CSMD1: variants seen among roughly 807,000 people sequenced by gnomAD.
The protein encoded by CSMD1 is CUB and sushi domain-containing protein 1.
CSMD1 carries 213 observed loss-of-function variants against 417.5 expected under a neutral mutation model. The ratio of observed to expected loss-of-function variants is 0.51; its 90% CI spans 0.46 to 0.57. The LOEUF (loss-of-function observed/expected upper bound fraction) is 0.57. CSMD1 is among the 20% of genes least tolerant of loss of function. The probability of loss-of-function intolerance (pLI) is 0.00; values close to 1 mark genes in which losing one functional copy is unlikely to be tolerated. For synonymous variants in CSMD1, 2,862 were observed against 1,736.8 expected (o/e 1.65, Z -16.11); for missense variants, 6,923 against 4,529.7 (o/e 1.53, Z -15.17).
Position 4,247,690 on chromosome 8 carries a change from G to A in CSMD1, c.415+172263C>T, listed in dbSNP as rs1392950208. 2.0e-5 allele frequency among the ~76,000 whole-genome samples: 3 copies of A among 152,082 alleles called. No homozygotes were observed. The East Asian group carries it at 5.8e-4, about 29-fold the overall frequency. On this transcript the variant is annotated intron_variant, in intron 3 of 69. Coordinates refer to ENST00000635120, the MANE Select transcript of CSMD1 (RefSeq NM_033225.6). ...TTAATTTTGTAATGTATGAGCTTCT[G>A]CATTTTTATTTTGGTACACATACTA...
rs543577746 is a variant in CSMD1 at position 4,326,435 on chromosome 8, C to T, written c.415+93518G>A. Reference sequence around the variant, plus strand: ...GATGGGAAAACCAATTAGGCAGCTACTGAGCAAGAGGTAAAGAATGCATAT... The same window carrying T: ...GATGGGAAAACCAATTAGGCAGCTATTGAGCAAGAGGTAAAGAATGCATAT... On this transcript the variant is annotated intron_variant, in intron 3 of 69. Coordinates refer to ENST00000635120, the MANE Select transcript of CSMD1 (RefSeq NM_033225.6). 3.9e-5 allele frequency among the ~76,000 whole-genome samples: 6 copies of T among 152,112 alleles called. No individual in the cohort carries two copies. In the South Asian group the frequency reaches 6.2e-4, roughly 16 times the overall value.
chr8:3,655,059 A>G (rs1233640333), intron 7 of CSMD1, among the ~76,000 whole-genome samples: 2 of 152,222 alleles, frequency 1.3e-5, no homozygotes, highest in African/African-American at 4.8e-5. Context: ...AGAGGGAAAT[A>G]ATTTAAAGAA....
intron 7 of CSMD1, among the ~76,000 whole-genome samples, chr8:3,688,264 C>G (rs1435428733): frequency 6.6e-6 from 1 of 152,132 alleles, no homozygotes; most frequent in Non-Finnish European, 1.5e-5. Flanking sequence ...CAAATATTGT[C>G]TCTTTTCTTT....
chr8:4,059,822 G>C (rs925690627), intron 3 of CSMD1, among the ~76,000 whole-genome samples: 2 of 150,448 alleles, frequency 1.3e-5, no homozygotes, highest in African/African-American at 4.9e-5. Flanking sequence ...ACCAAAAAGA[G>C]TCCAGGACCA....
chr8:4,217,604 G>A (rs1585041608), intron 3 of CSMD1, among the ~76,000 whole-genome samples: 1 of 151,958 alleles, frequency 6.6e-6, no homozygotes, highest in East Asian at 1.9e-4. Flanking sequence ...TTGGTGAACA[G>A]GCAAGTTATC....
intron 7 of CSMD1, chr8:3,704,717 A>T (rs770036002): frequency 1.3e-5 from 2 of 152,184 alleles, no homozygotes; most frequent in African/African-American, 2.4e-5. Context: ...CTTGGATAAC[A>T]CCTTAGACAA....
intron 7 of CSMD1, among the ~76,000 whole-genome samples, chr8:3,644,965 T>TAAAAAAAAAAAAAAAAA (rs1797501015): frequency 3.5e-5 from 1 of 28,804 alleles, no homozygotes; most frequent in African/African-American, 2.3e-4. Flanking sequence ...AGGCTTTAAA[T>TAAAAAAAAAAAAAAAAA]GAAAAAAAAA....
intron 7 of CSMD1, among the ~76,000 whole-genome samples, chr8:3,698,896 T>C (rs752393862): frequency 1.3e-5 from 2 of 152,228 alleles, no homozygotes; most frequent in African/African-American, 2.4e-5. Context: ...TTGCAATTGA[T>C]TGGATTAGGG....
At chr8:3,681,364 C>G (rs1799652125) in intron 7 of CSMD1, among the ~76,000 whole-genome samples, 1 of 152,070 alleles carries the variant, frequency 6.6e-6, no homozygotes, top group Admixed American at 6.6e-5. Flanking sequence ...AATCAATGTG[C>G]AAAAATCACA....
chr8:3,245,932 A>G (rs1264344957), intron 26 of CSMD1, among the ~76,000 whole-genome samples: 1 of 152,184 alleles, frequency 6.6e-6, no homozygotes, highest in Non-Finnish European at 1.5e-5. Flanking sequence ...AAGCCTATTC[A>G]ACAATAATAG....
At chr8:3,259,786 A>G (rs1219612531) in intron 26 of CSMD1, among the ~76,000 whole-genome samples, 3 of 152,246 alleles carry the variant, frequency 2.0e-5, no homozygotes, top group African/African-American at 7.2e-5. Context: ...TGGAAATCAA[A>G]TCTGGCCCAT....
intron 3 of CSMD1, among the ~76,000 whole-genome samples, chr8:4,409,292 A>G (rs993121146): frequency 2.6e-5 from 4 of 152,120 alleles, no homozygotes; most frequent in Non-Finnish European, 5.9e-5. Flanking sequence ...CTTTGTGTTA[A>G]GTCAATATAT....
At chr8:4,157,581 C>T (rs1249660563) in intron 3 of CSMD1, among the ~76,000 whole-genome samples, 1 of 152,160 alleles carries the variant, frequency 6.6e-6, no homozygotes, top group Non-Finnish European at 1.5e-5. Flanking sequence ...TGCTAAGACC[C>T]TCTGCCGGTC....
In CSMD1 at chr8:4,922,784, G is replaced by A. The variant is rs538008923; in HGVS notation, c.85+71548C>T. 2.0e-5 allele frequency among the ~76,000 whole-genome samples: 3 copies of A among 152,248 alleles called. No individual in the cohort carries two copies. In the South Asian group the frequency reaches 6.2e-4, roughly 32 times the overall value. ...AAGAAGGCTACTGAAGGACACCAAAGTCACCCCAAGAAGTGTTTCCTTCTA... is the reference window on the plus strand; with the variant it reads ...AAGAAGGCTACTGAAGGACACCAAAATCACCCCAAGAAGTGTTTCCTTCTA... On this transcript the variant is annotated intron_variant, in intron 1 of 69. Transcript: ENST00000635120.
rs116696859 is a variant in CSMD1, at chr8:4,508,191, C to T, written c.303-88126G>A. Among the ~76,000 whole-genome samples, 359 of 145,704 alleles carry T rather than the reference C, an allele frequency of 2.5e-3. 1 individual carries two copies. Among genetic ancestry groups the T allele is most frequent in the African/African-American group, 8.4e-3 (335 of 39,724 alleles). On this transcript the variant is annotated intron_variant, in intron 2 of 69. Coordinates refer to ENST00000635120, the MANE Select transcript of CSMD1 (RefSeq NM_033225.6). ...TTTTTTTTCAATTCTGAGGAGGTGT[C>T]ATTTTAAGCATCTCCCTGATACCGC...
intron 3 of CSMD1, among the ~76,000 whole-genome samples, chr8:4,061,458 T>G (rs890427172): frequency 1.3e-5 from 2 of 152,128 alleles, no homozygotes; most frequent in Admixed American, 1.3e-4. Flanking sequence ...TGAAAATGGA[T>G]AAGAAACCAA....
chr8:3,261,848 C>A (rs7821770), intron 26 of CSMD1, among the ~76,000 whole-genome samples: 2 of 151,784 alleles, frequency 1.3e-5, no homozygotes, highest in Non-Finnish European at 2.9e-5. Context: ...ATTACGAAGG[C>A]ATGCGGGCCG....
chr8:4,264,617 G>A (rs563237114), intron 3 of CSMD1, among the ~76,000 whole-genome samples: 20 of 152,200 alleles, frequency 1.3e-4, no homozygotes, highest in African/African-American at 4.6e-4. Context: ...TAGCAGTAAG[G>A]GTTTCTCACC....
Position 2,978,801 on chromosome 8 carries a change from C to G in CSMD1, c.8378-1G>C. The G allele has an allele frequency of 6.3e-7, 1 of 1,595,014 alleles. No homozygotes were observed. The highest frequency in any genetic ancestry group is 8.5e-7 in the Non-Finnish European group (1 of 1,171,540). On this transcript the variant is annotated splice_acceptor_variant, in intron 54 of 69. Coordinates refer to ENST00000635120, the MANE Select transcript of CSMD1 (RefSeq NM_033225.6). LOFTEE classifies it high-confidence loss of function. ...AAGCCTGGATCAGAACAGTTCACCACTAGAAAATAAAACATTTCACACACC... is the reference window on the plus strand; with the variant it reads ...AAGCCTGGATCAGAACAGTTCACCAGTAGAAAATAAAACATTTCACACACC...
Sources: gnomAD v4.1 joint callset for allele counts (sites outside exome capture counted in the v4.1 genomes callset) on GRCh38, gnomAD v4.1.1 for gene constraint, MANE v1.5 for transcripts, NCBI Gene and HGNC (gene_info 2026-07-23, HGNC 2026-07-21) for gene names.